PAXIP1: variants seen among roughly 807,000 people sequenced by gnomAD.
PAXIP1 encodes PAX-interacting protein 1.
Under a neutral mutation model 140.6 loss-of-function variants are expected in PAXIP1, and 19 were observed. That is an observed-to-expected ratio of 0.14 (90% CI 0.09 to 0.20). PAXIP1 has a LOEUF of 0.20. Among genes scored for constraint, PAXIP1 ranks in the 10% least tolerant of loss-of-function variants. The pLI, the probability that PAXIP1 is intolerant of heterozygous loss-of-function variation, is 1.00. For synonymous variants in PAXIP1, 442 were observed against 444.6 expected (o/e 0.99, Z 0.07); for missense variants, 920 against 1,208.6 (o/e 0.76, Z 3.54).
chr7:154,993,702 T>G, intron 3 of PAXIP1, 24 bp downstream of exon 3: 1 of 1,563,412 alleles, frequency 6.4e-7, no homozygotes, highest in Admixed American at 1.8e-5. Flanking sequence ...CTTTCCCTCC[T>G]CCCCCACTCA....
chr7:154,969,179 A>C (rs3800580), intron 6 of PAXIP1, 53 bp from the exon 7 acceptor site: 410,537 of 1,420,348 alleles, frequency 0.29, 62,752 homozygotes, highest in Middle Eastern at 0.32. Context: ...AAACAGATGA[A>C]TGATAATTTC....
chr7:154,962,539 C>CA lies in PAXIP1; in HGVS notation c.1990-82dup. 5 of 1,261,796 alleles carry CA rather than the reference C, an allele frequency of 4.0e-6. No individual in the cohort carries two copies. In the South Asian group the frequency reaches 7.3e-5, roughly 18 times the overall value. The allele number at this position is 1,261,796 out of a possible 1,614,324, so 78.2% of individuals were successfully genotyped here. On this transcript the variant is annotated intron_variant, in intron 9 of 20. Coordinates refer to ENST00000404141, the MANE Select transcript of PAXIP1 (RefSeq NM_007349.4). Reference sequence around the variant, plus strand: ...AGAAAATTCTAAGGTTGTATAACTACAATGCCCTTTTCATTGGAAGCCCCA... The same window carrying CA: ...AGAAAATTCTAAGGTTGTATAACTACAAATGCCCTTTTCATTGGAAGCCCCA...
chr7:154,976,152 T>C lies in PAXIP1; in HGVS notation c.618A>G (p.Gln206=), dbSNP rs773401560. The part of the protein sequence containing the change: ...EEEEEVENEE[Q]DSQNEGSTDE... ...CTGTACTACCCTCATTCTGAGAATC[T>C]TGTTCCTCATTTTCTACTTCCTCCT... Residue 206 remains glutamine, a synonymous_variant, in exon 6 of 21, where the codon CAA becomes CAG. Transcript: ENST00000404141. 15 of 1,583,506 alleles carry C rather than the reference T, an allele frequency of 9.5e-6. No homozygotes were observed. The highest frequency in any genetic ancestry group is 8.6e-7 in the Non-Finnish European group (1 of 1,163,108).
intron 8 of PAXIP1, among the ~76,000 whole-genome samples, chr7:154,966,074 ACT>A (rs1272091592): frequency 1.3e-5 from 2 of 151,698 alleles, no homozygotes; most frequent in African/African-American, 4.8e-5. Flanking sequence ...ACCATGTTTC[ACT>A]CTCTGCTGGC....
intron 13 of PAXIP1, among the ~76,000 whole-genome samples, chr7:154,958,996 A>C (rs756684193): frequency 4.9e-4 from 74 of 152,264 alleles, no homozygotes; most frequent in Admixed American, 1.8e-3. Flanking sequence ...TAGCAAGAAG[A>C]AAACAAGACT....
chr7:154,953,294 C>T (rs1016597036), intron 16 of PAXIP1, among the ~76,000 whole-genome samples: 1 of 152,214 alleles, frequency 6.6e-6, no homozygotes, highest in East Asian at 1.9e-4. Flanking sequence ...TGCGAGAACA[C>T]GTCAATATAG....
intron 4 of PAXIP1, among the ~76,000 whole-genome samples, chr7:154,990,425 T>C (rs979910594): frequency 6.6e-6 from 1 of 152,192 alleles, no homozygotes; most frequent in African/African-American, 2.4e-5. Context: ...TCCCCTTTCC[T>C]AGGAAACTGC....
intron 12 of PAXIP1, among the ~76,000 whole-genome samples, chr7:154,960,662 C>A (rs898130031): frequency 3.9e-5 from 6 of 151,944 alleles, no homozygotes; most frequent in Non-Finnish European, 1.5e-5. Context: ...GGTGACAAAG[C>A]GAGACCCTGT....
intron 6 of PAXIP1, chr7:154,974,492 T>C (rs1320680183): frequency 6.6e-6 from 1 of 152,264 alleles, no homozygotes; most frequent in Non-Finnish European, 1.5e-5. Context: ...ACTCAGCAAA[T>C]TCATGCCATT....
At chr7:154,960,727 G>C (rs1808721808) in intron 12 of PAXIP1, among the ~76,000 whole-genome samples, 166 bp downstream of exon 12, 1 of 152,108 alleles carries the variant, frequency 6.6e-6, no homozygotes, top group South Asian at 2.1e-4. Flanking sequence ...ATCCTGGGCA[G>C]AGTGGGGAGA....
intron 4 of PAXIP1, among the ~76,000 whole-genome samples, chr7:154,988,965 A>G (rs1810199404): frequency 6.6e-6 from 1 of 152,246 alleles, no homozygotes; most frequent in Admixed American, 6.5e-5. Context: ...ATGTAACCAT[A>G]GCACCCAGCA....
intron 4 of PAXIP1, 51 bp downstream of exon 4, chr7:154,990,955 C>G: frequency 9.0e-7 from 1 of 1,115,316 alleles, no homozygotes; most frequent in Non-Finnish European, 1.3e-6. Flanking sequence ...CATACAAAAA[C>G]TCAGAAGTGT....
At chr7:154,971,368 C>T (rs898448928) in intron 6 of PAXIP1, among the ~76,000 whole-genome samples, 2 of 152,224 alleles carry the variant, frequency 1.3e-5, no homozygotes, top group Non-Finnish European at 2.9e-5. Context: ...GGGAGAAGAA[C>T]AGATGGAGAT....
chr7:154,944,209 A>T, intron 20 of PAXIP1, 45 bp from the exon 21 acceptor site: 1 of 1,567,780 alleles, frequency 6.4e-7, no homozygotes, highest in African/African-American at 1.4e-5. Flanking sequence ...AGGCAAAAGA[A>T]AAACATGAAA....
intron 17 of PAXIP1, 66 bp downstream of exon 17, chr7:154,947,837 A>AG: frequency 9.0e-7 from 1 of 1,110,936 alleles, no homozygotes; most frequent in South Asian, 1.2e-5. Context: ...ATCACCTGGT[A>AG]GTTCCCTTGA....
Position 154,986,142 on chromosome 7 carries a change from G to A in PAXIP1, c.325-2810C>T, listed in dbSNP as rs780094486. 2 of 1,362,730 alleles carry A rather than the reference G, an allele frequency of 1.5e-6. No homozygotes were observed. Among genetic ancestry groups the A allele is most frequent in the Non-Finnish European group, 2.0e-6 (2 of 1,020,392 alleles). The allele number at this position is 1,362,730 out of a possible 1,614,324, so 84.4% of individuals were successfully genotyped here. On this transcript the variant is annotated intron_variant, in intron 4 of 20. Coordinates refer to ENST00000404141, the MANE Select transcript of PAXIP1 (RefSeq NM_007349.4). The surrounding 1 kb of genome is among the most constrained non-coding windows in gnomAD (Gnocchi z 4.8). Reference sequence around the variant, plus strand: ...CCTACCTCTCCCTGGGAGAGCTCTGGAAGACTCCAACAAAGAGCTCCAGCT... The same window carrying A: ...CCTACCTCTCCCTGGGAGAGCTCTGAAAGACTCCAACAAAGAGCTCCAGCT...
At chr7:154,989,402 T>A (rs1312918368) in intron 4 of PAXIP1, among the ~76,000 whole-genome samples, 3 of 152,206 alleles carry the variant, frequency 2.0e-5, no homozygotes, top group Non-Finnish European at 4.4e-5. Context: ...ATAACTTGAA[T>A]GTGCCCTTTT....
intron 4 of PAXIP1, chr7:154,983,765 T>C (rs955390141): frequency 6.5e-6 from 1 of 153,614 alleles, no homozygotes; most frequent in African/African-American, 2.4e-5. Context: ...TGCTAATGGA[T>C]AACAAATACT....
intron 2 of PAXIP1, among the ~76,000 whole-genome samples, chr7:154,994,986 G>A (rs911983945): frequency 2.6e-5 from 4 of 152,094 alleles, no homozygotes; most frequent in African/African-American, 7.2e-5. Flanking sequence ...ATCAGGAATC[G>A]GTATTGGCCT....
Sources: gnomAD v4.1 joint callset for allele counts (sites outside exome capture counted in the v4.1 genomes callset) on GRCh38, gnomAD v4.1.1 for gene constraint, Gnocchi (gnomAD v3.1) non-coding constraint, MANE v1.5 for transcripts, NCBI Gene and HGNC (gene_info 2026-07-23, HGNC 2026-07-21) for gene names.